The following RIN2 variants were observed in gnomAD, a reference collection of about 807,000 sequenced individuals.
RIN2 encodes Ras and Rab interactor 2.
A neutral mutation model predicts 78.0 loss-of-function variants in RIN2; 36 were observed. The ratio of observed to expected loss-of-function variants is 0.46; its 90% CI spans 0.35 to 0.61. RIN2 has a LOEUF of 0.61. Among genes scored for constraint, RIN2 ranks in the 20% least tolerant of loss-of-function variants. The pLI is 0.00. For synonymous variants in RIN2, 466 were observed against 466.8 expected (o/e 1.00, Z 0.02); for missense variants, 1,087 against 1,159.7 (o/e 0.94, Z 0.91).
rs1344022230 is a variant in RIN2, at chr20:19,844,654, CTT to C, written c.-37+44908_-37+44909del. Among the ~76,000 whole-genome samples, 186 of 108,344 alleles carry C rather than the reference CTT, an allele frequency of 1.7e-3. 4 individuals are homozygous for C. The highest frequency in any genetic ancestry group is 5.2e-3 in the African/African-American group (168 of 32,358). The allele number at this position is 108,344 out of a possible 152,430, so 71.1% of individuals were successfully genotyped here. On this transcript the variant is annotated intron_variant, in intron 2 of 12. Coordinates refer to ENST00000255006, the MANE Select transcript of RIN2 (RefSeq NM_018993.4). ...TCTTCTTCTTCTTCTTCTTCTTCTT[CTT>C]CTTCTTCTTCTTCCTTCTTCTTCTT...
At chr20:19,798,438 C>T (rs1195815748) in intron 1 of RIN2, among the ~76,000 whole-genome samples, 1 of 151,692 alleles carries the variant, frequency 6.6e-6, no homozygotes, top group Non-Finnish European at 1.5e-5. Context: ...GAGGGAAAGT[C>T]AGAGTCCAGT....
At chr20:19,989,095 A>G (rs1010114429) in intron 9 of RIN2, among the ~76,000 whole-genome samples, 5 of 152,174 alleles carry the variant, frequency 3.3e-5, no homozygotes, top group Non-Finnish European at 7.3e-5. Flanking sequence ...TAACTACAGT[A>G]TAATTATCAG....
chr20:19,798,800 G>A (rs771922989), intron 1 of RIN2, among the ~76,000 whole-genome samples: 21 of 152,212 alleles, frequency 1.4e-4, no homozygotes, highest in South Asian at 4.2e-4. Context: ...TAATATTTGC[G>A]TTTTCAAGCA....
At chr20:19,857,290 T>C (rs1568548257) in intron 2 of RIN2, among the ~76,000 whole-genome samples, 1 of 152,202 alleles carries the variant, frequency 6.6e-6, no homozygotes, top group Non-Finnish European at 1.5e-5. Context: ...TGCATCCACG[T>C]TGCTTCATAT....
At chr20:19,768,922 CTT>C (rs778608472) in intron 1 of RIN2, among the ~76,000 whole-genome samples, 6,142 of 135,674 alleles carry the variant, frequency 0.045, 123 homozygotes, top group South Asian at 0.093. Context: ...CTTTCTGTTT[CTT>C]TTTTTTTTTT....
At chr20:19,873,266 A>T (rs2037747021) in intron 2 of RIN2, among the ~76,000 whole-genome samples, 1 of 152,104 alleles carries the variant, frequency 6.6e-6, no homozygotes, top group Non-Finnish European at 1.5e-5. Flanking sequence ...CTGGGACTAC[A>T]GGCATGTGCC....
chr20:19,849,044 T>C (rs566846479), intron 2 of RIN2, among the ~76,000 whole-genome samples: 3 of 152,166 alleles, frequency 2.0e-5, no homozygotes, highest in Non-Finnish European at 4.4e-5. Flanking sequence ...TTTGTGAGAA[T>C]TGCACTGGGA....
intron 12 of RIN2, 120 bp downstream of exon 12, chr20:19,996,962 C>A: frequency 1.0e-6 from 1 of 989,090 alleles, no homozygotes; most frequent in Non-Finnish European, 1.5e-6. Context: ...AAAGGGATAT[C>A]TCAAACCACC....
In RIN2 at chr20:19,963,812, T is replaced by C. The variant is rs115431246; in HGVS notation, c.464-1140T>C. Among the ~76,000 whole-genome samples the C allele has an allele frequency of 2.2e-3, 336 of 151,574 alleles. 4 individuals are homozygous for C. Among genetic ancestry groups the C allele is most frequent in the African/African-American group, 7.7e-3 (317 of 41,336 alleles). ...GTCAGACTACTTGCTGCTCCAGCAT[T>C]TGGAAGATGTGCAGAATGCCACACC... On this transcript the variant is annotated intron_variant, in intron 6 of 12. Transcript: ENST00000255006.
At chr20:19,940,810 A>T (rs796814966) in intron 4 of RIN2, among the ~76,000 whole-genome samples, 1 of 152,216 alleles carries the variant, frequency 6.6e-6, no homozygotes, top group Non-Finnish European at 1.5e-5. Context: ...CACCCTCATC[A>T]TCACTTGAAC....
At chr20:19,785,659 C>T (rs926038701) in intron 1 of RIN2, among the ~76,000 whole-genome samples, 4 of 152,152 alleles carry the variant, frequency 2.6e-5, no homozygotes, top group Non-Finnish European at 5.9e-5. Context: ...CCAATGTTGG[C>T]TATCATTTTT....
intron 2 of RIN2, among the ~76,000 whole-genome samples, chr20:19,886,090 C>T (rs1237825856): frequency 6.6e-6 from 1 of 152,350 alleles, no homozygotes; most frequent in Non-Finnish European, 1.5e-5. Flanking sequence ...CAAGATCTGG[C>T]CTGTGGCCCG....
At chr20:19,898,975 A>C (rs2038861213) in intron 3 of RIN2, among the ~76,000 whole-genome samples, 1 of 152,256 alleles carries the variant, frequency 6.6e-6, no homozygotes, top group South Asian at 2.1e-4. Flanking sequence ...CATTTAAAGC[A>C]GCAATCAGAG....
chr20:19,985,505 T>A (rs1264904242), intron 9 of RIN2, among the ~76,000 whole-genome samples: 1 of 152,198 alleles, frequency 6.6e-6, no homozygotes, highest in African/African-American at 2.4e-5. Flanking sequence ...TTAGAAACAT[T>A]TAGTTTCTAA....
intron 2 of RIN2, 165 bp from the exon 3 acceptor site, chr20:19,889,401 C>T: frequency 1.7e-6 from 2 of 1,179,968 alleles, no homozygotes; most frequent in Non-Finnish European, 2.2e-6. Flanking sequence ...CTGGTGGGGA[C>T]AGGAAATTGG....
chr20:19,829,437 G>A (rs1486458884), intron 2 of RIN2, among the ~76,000 whole-genome samples: 2 of 152,174 alleles, frequency 1.3e-5, no homozygotes, highest in East Asian at 1.9e-4. Flanking sequence ...GTTCACAGGA[G>A]CAACAGAGAG....
At chr20:19,887,458 C>T (rs1471724036) in intron 2 of RIN2, among the ~76,000 whole-genome samples, 2 of 152,128 alleles carry the variant, frequency 1.3e-5, no homozygotes, top group Non-Finnish European at 1.5e-5. Context: ...GTTCCTGTCA[C>T]CTGCTCTCAT....
chr20:19,877,501 G>A (rs2037893485), intron 2 of RIN2, among the ~76,000 whole-genome samples: 1 of 152,166 alleles, frequency 6.6e-6, no homozygotes, highest in African/African-American at 2.4e-5. Context: ...CCGTGAAAGA[G>A]CCATAAGGCA....
rs1030965197 is a variant in RIN2 at position 19,889,575 on chromosome 20, G to A, written c.-27G>A. ...ATGTCTCTACCTTCAGGAGTCCCCG[G>A]CGTGCAGTGGAGCCTCGCTGGGGGA... On this transcript the variant is annotated 5_prime_UTR_variant, in exon 3 of 13. Transcript: ENST00000255006. The A allele has an allele frequency of 6.5e-7, 1 of 1,548,994 alleles. No individual in the cohort carries two copies. Among genetic ancestry groups the A allele is most frequent in the African/African-American group, 1.4e-5 (1 of 73,056 alleles).
Sources: gnomAD v4.1 joint callset for allele counts (sites outside exome capture counted in the v4.1 genomes callset) on GRCh38, gnomAD v4.1.1 for gene constraint, MANE v1.5 for transcripts, NCBI Gene and HGNC (gene_info 2026-07-23, HGNC 2026-07-21) for gene names.